RGS14: variants seen among roughly 807,000 people sequenced by gnomAD.
RGS14 encodes regulator of G protein signaling 14.
RGS14 carries 33 observed loss-of-function variants against 63.8 expected under a neutral mutation model. That is an observed-to-expected ratio of 0.52 (90% confidence interval 0.39 to 0.69). The LOEUF (loss-of-function observed/expected upper bound fraction) is 0.69, where lower values mean the gene tolerates loss of function less well. Ranked by LOEUF, RGS14 falls within the 30% of genes least tolerant of loss-of-function variation. RGS14 has a pLI of 0.00. For synonymous variants in RGS14, 296 were observed against 320.9 expected, an observed-to-expected ratio of 0.92 and a Z score of 0.83; for missense variants, 739 against 742.9, an observed-to-expected ratio of 0.99 and a Z score of 0.06.
intron 5 of RGS14, 134 bp from the exon 6 acceptor site, chr5:177,367,280 T>A: frequency 5.4e-6 from 7 of 1,293,412 alleles, no homozygotes; most frequent in Non-Finnish European, 7.3e-6. Flanking sequence ...GTATAGGAAC[T>A]GAGGTCGGGG....
intron 1 of RGS14, among the ~76,000 whole-genome samples, chr5:177,363,189 G>T (rs1762009837): frequency 6.6e-6 from 1 of 152,188 alleles, no homozygotes; most frequent in South Asian, 2.1e-4. Context: ...GTCCCTCCTC[G>T]CAGCCCTCTG....
rs1762054844 is a variant in RGS14, at chr5:177,364,889, G to A, written c.46-1074G>A. ...AGTAGTCCCTGAACCAGCAGCATCA[G>A]CATCGCCTGGGAGCTTGGTAGAAAT... On this transcript the variant is annotated intron_variant, in intron 1 of 14. Coordinates refer to ENST00000408923, the MANE Select transcript of RGS14 (RefSeq NM_006480.5). This position sits in a 1 kb window ranked among gnomAD's most constrained non-coding sequence, Gnocchi z 4.6. Among the ~76,000 whole-genome samples the A allele has an allele frequency of 6.6e-6, 1 of 152,196 alleles. No homozygotes were observed. Among genetic ancestry groups the A allele is most frequent in the Non-Finnish European group, 1.5e-5 (1 of 68,050 alleles).
At position 177,358,887 on chromosome 5, in the gene RGS14, G is replaced by A. The variant is rs965553419; in HGVS notation, c.45+818G>A. ...CCACCAGGCCCCAGCCTAGTATCACGGGCCAAAGCCAGTGGCTCTATAGAG... is the reference window on the plus strand; with the variant it reads ...CCACCAGGCCCCAGCCTAGTATCACAGGCCAAAGCCAGTGGCTCTATAGAG... On this transcript the variant is annotated intron_variant, in intron 1 of 14. Transcript: ENST00000408923. The surrounding 1 kb of genome is among the most constrained non-coding windows in gnomAD (Gnocchi z 4.8). Among the ~76,000 whole-genome samples the A allele has an allele frequency of 1.3e-5, 2 of 152,218 alleles. No individual in the cohort carries two copies. Among genetic ancestry groups the A allele is most frequent in the Non-Finnish European group, 2.9e-5 (2 of 68,036 alleles).
Position 177,371,070 on chromosome 5 carries a change from GGGCCGGGGCCGGGGCCGGGGCCGGGGCC to G in RGS14, c.1254+42_1255-65del. ...CCGCGGGGCGGGGCGGGGCGGGGCC[GGGCCGGGGCCGGGGCCGGGGCCGGGGCC>G]GGGGCCGGGGCCGGGGCCGGGGCCG... is the stretch of plus-strand genomic sequence containing the variant. On this transcript the variant is annotated intron_variant, in intron 11 of 14. Transcript: ENST00000408923. The surrounding 1 kb of genome is among the most constrained non-coding windows in gnomAD (Gnocchi z 6.1). 5 of 126,448 alleles carry G rather than the reference GGGCCGGGGCCGGGGCCGGGGCCGGGGCC, an allele frequency of 4.0e-5. No individual in the cohort carries two copies. The highest frequency in any genetic ancestry group is 4.6e-5 in the Non-Finnish European group (5 of 108,834). The allele number at this position is 126,448 out of a possible 1,614,324, so 7.8% of individuals were successfully genotyped here.
At chr5:177,367,892 C>T in intron 7 of RGS14, 67 bp downstream of exon 7, 2 of 1,474,422 alleles carry the variant, frequency 1.4e-6, no homozygotes, top group Non-Finnish European at 9.0e-7. Flanking sequence ...GGGGAGTGCC[C>T]CCTTCCTCCT....
chr5:177,368,692 C>T (rs764909477), intron 8 of RGS14, 25 bp from the exon 9 acceptor site: 1 of 1,611,644 alleles, frequency 6.2e-7, no homozygotes, highest in South Asian at 1.1e-5. Context: ...TACACATAAT[C>T]TCCCCCACTC....
At chr5:177,362,026 G>A (rs1157107538) in intron 1 of RGS14, among the ~76,000 whole-genome samples, 2 of 152,156 alleles carry the variant, frequency 1.3e-5, no homozygotes, top group Non-Finnish European at 2.9e-5. Flanking sequence ...TCCGCTGTGG[G>A]GTGCTGCTCT....
chr5:177,370,511 C>T (rs1762212761), intron 9 of RGS14, 80 bp from the exon 10 acceptor site: 3 of 1,261,256 alleles, frequency 2.4e-6, no homozygotes, highest in East Asian at 2.3e-5. Flanking sequence ...CATGGGAGGG[C>T]GTGAAGTTGT....
Position 177,369,806 on chromosome 5 carries a change from C to T in RGS14, c.1054-785C>T, listed in dbSNP as rs558704155. Among the ~76,000 whole-genome samples, 99 of 152,332 alleles carry T rather than the reference C, an allele frequency of 6.5e-4. 2 individuals carry two copies. The South Asian group carries it at 0.015, about 23-fold the overall frequency. On this transcript the variant is annotated intron_variant, in intron 9 of 14. Coordinates refer to ENST00000408923, the MANE Select transcript of RGS14 (RefSeq NM_006480.5). ...GGCATTTTGCCCACTCTTCTCAGGCCGCTAGGGCGGCTGCCAGCAGCCCAG... is the reference window on the plus strand; with the variant it reads ...GGCATTTTGCCCACTCTTCTCAGGCTGCTAGGGCGGCTGCCAGCAGCCCAG...
Position 177,371,780 on chromosome 5 carries a change from G to GAGGCAGTGGCCACAGTA in RGS14, c.1499-83_1499-67dup, listed in dbSNP as rs569273848. The GAGGCAGTGGCCACAGTA allele has an allele frequency of 4.8e-3, 6,697 of 1,396,086 alleles. 377 individuals are homozygous for GAGGCAGTGGCCACAGTA. The East Asian group carries it at 0.11, about 24-fold the overall frequency. The allele number at this position is 1,396,086 out of a possible 1,614,324, so 86.5% of individuals were successfully genotyped here. ...GCAGGCCATTGGTGCTGGGGCCAGG[G>GAGGCAGTGGCCACAGTA]AGGCAGTGGCCACAGTAAGGCAGTG... On this transcript the variant is annotated intron_variant, in intron 14 of 14. Coordinates refer to ENST00000408923, the MANE Select transcript of RGS14 (RefSeq NM_006480.5). The surrounding 1 kb of genome is among the most constrained non-coding windows in gnomAD (Gnocchi z 6.1).
At chr5:177,366,610 C>A in intron 3 of RGS14, 98 bp from the exon 4 acceptor site, 1 of 1,219,846 alleles carries the variant, frequency 8.2e-7, no homozygotes, top group Non-Finnish European at 1.2e-6. Flanking sequence ...GGCTTGGTCT[C>A]TTGGCCCTGT....
At chr5:177,360,259 C>T (rs1561612552) in intron 1 of RGS14, among the ~76,000 whole-genome samples, 1 of 152,156 alleles carries the variant, frequency 6.6e-6, no homozygotes, top group Non-Finnish European at 1.5e-5. Context: ...TCCCTGCCCC[C>T]TAGTCTGGCA....
Position 177,371,957 on chromosome 5 carries a change from C to G in RGS14, c.1583C>G (p.Pro528Arg), listed in dbSNP as rs980341651. 1 of 1,614,008 alleles carries G rather than the reference C, an allele frequency of 6.2e-7. No individual in the cohort carries two copies. The highest frequency in any genetic ancestry group is 8.5e-7 in the Non-Finnish European group (1 of 1,180,014). Residue 528 changes from proline (P) to arginine (R), a missense_variant, in exon 15 of 15, where the codon CCA (proline) becomes CGA (arginine). Pro to Arg is a moderately radical substitution (Grantham distance 103). Coordinates refer to ENST00000408923, the MANE Select transcript of RGS14 (RefSeq NM_006480.5). The surrounding 1 kb of genome is among the most constrained non-coding windows in gnomAD (Gnocchi z 6.1). ...CTGAGGAAAGAGGACCTGGTACTTCCAGAATTTCTGCAGCTGCCCGCCCAA... is the reference window on the plus strand; with the variant it reads ...CTGAGGAAAGAGGACCTGGTACTTCGAGAATTTCTGCAGCTGCCCGCCCAA... Reference protein sequence around the residue: ...GLLRKEDLVLPEFLQLPAQGP... With the variant: ...GLLRKEDLVLREFLQLPAQGP...
At position 177,369,290 on chromosome 5, in the gene RGS14, T is replaced by G. The variant is rs578224130; in HGVS notation, c.1053+370T>G. On this transcript the variant is annotated intron_variant, in intron 9 of 14. Transcript: ENST00000408923. ...TCCTTAGCCTCTAGGGGCACCCAAG[T>G]GCACCTAACCAATGAACTTTTTCCT... Among the ~76,000 whole-genome samples the G allele has an allele frequency of 3.3e-5, 5 of 152,320 alleles. No homozygotes were observed. In the South Asian group the frequency reaches 1.0e-3, roughly 32 times the overall value.
chr5:177,367,156 C>A, intron 5 of RGS14, 122 bp downstream of exon 5: 1 of 1,337,338 alleles, frequency 7.5e-7, no homozygotes, highest in Non-Finnish European at 1.0e-6. Flanking sequence ...GGAGACAGAG[C>A]CAAATGCCGG....
intron 1 of RGS14, among the ~76,000 whole-genome samples, chr5:177,360,566 TAA>T (rs750301708): frequency 0.035 from 2,294 of 64,706 alleles, 84 homozygotes; most frequent in African/African-American, 0.12. Context: ...GATCCTATAT[TAA>T]AAAAAAAAAA....
At chr5:177,368,315 T>C (rs372851371) in intron 8 of RGS14, 49 bp downstream of exon 8, 983 of 1,532,986 alleles carry the variant, frequency 6.4e-4, no homozygotes, top group Non-Finnish European at 8.1e-4. Context: ...CTAGAGTCAC[T>C]ACTCAGGCCC....
intron 3 of RGS14, 26 bp from the exon 4 acceptor site, chr5:177,366,682 C>A (rs775572331): frequency 6.2e-7 from 1 of 1,609,606 alleles, no homozygotes; most frequent in Non-Finnish European, 8.5e-7. Context: ...GAGTCTCTGC[C>A]TGCCTCCCCC....
intron 3 of RGS14, 164 bp from the exon 4 acceptor site, chr5:177,366,544 C>G: frequency 1.2e-6 from 1 of 801,558 alleles, no homozygotes; most frequent in East Asian, 2.7e-5. Context: ...CTCTCATTTT[C>G]TCTCCCTGTC....
Sources: gnomAD v4.1 joint callset for allele counts (sites outside exome capture counted in the v4.1 genomes callset) on GRCh38, gnomAD v4.1.1 for gene constraint, Gnocchi (gnomAD v3.1) non-coding constraint, MANE v1.5 for transcripts, NCBI Gene and HGNC (gene_info 2026-07-23, HGNC 2026-07-21) for gene names.